Variants in SLC2A1 observed in about 807,000 individuals in gnomAD.
SLC2A1 encodes the protein solute carrier family 2 member 1, also known as solute carrier family 2, facilitated glucose transporter member 1.
A neutral mutation model predicts 46.6 loss-of-function variants in SLC2A1; 4 were observed. The ratio of observed to expected loss-of-function variants is 0.09; its 90% CI spans 0.04 to 0.20. The LOEUF (loss-of-function observed/expected upper bound fraction) is 0.20. Among genes scored for constraint, SLC2A1 ranks in the 10% least tolerant of loss-of-function variants. The pLI is 1.00. For synonymous variants in SLC2A1, 253 were observed against 270.0 expected (o/e 0.94, Z 0.62); for missense variants, 352 against 667.0 (o/e 0.53, Z 5.20).
intron 2 of SLC2A1, among the ~76,000 whole-genome samples, chr1:42,933,317 T>C (rs566373380): frequency 1.3e-5 from 2 of 152,116 alleles, no homozygotes; most frequent in South Asian, 4.2e-4. Context: ...ACACACCATC[T>C]CCCACCCCTC....
Position 42,954,921 on chromosome 1 carries a change from A to G in SLC2A1, c.18+3713T>C, listed in dbSNP as rs1313897849. ...CTAAGGCAAAAAAGCAAAGCAAAGAAGCCCAAAGCAGCGCAGGGCACTCAC... is the reference window on the plus strand; with the variant it reads ...CTAAGGCAAAAAAGCAAAGCAAAGAGGCCCAAAGCAGCGCAGGGCACTCAC... On this transcript the variant is annotated intron_variant, in intron 1 of 9. Coordinates refer to ENST00000426263, the MANE Select transcript of SLC2A1 (RefSeq NM_006516.4). The surrounding 1 kb of genome is among the most constrained non-coding windows in gnomAD (Gnocchi z 4.2). Among the ~76,000 whole-genome samples, 1 of 152,224 alleles carries G rather than the reference A, an allele frequency of 6.6e-6. No homozygotes were observed. Among genetic ancestry groups the G allele is most frequent in the East Asian group, 1.9e-4 (1 of 5,194 alleles).
At chr1:42,949,692 G>A (rs538394270) in intron 1 of SLC2A1, among the ~76,000 whole-genome samples, 2 of 152,078 alleles carry the variant, frequency 1.3e-5, no homozygotes, top group Non-Finnish European at 2.9e-5. Flanking sequence ...CAGCAGCAGC[G>A]AGCTGAGGCA....
At position 42,929,945 on chromosome 1, in the gene SLC2A1, C is replaced by G. The variant is rs758200582; in HGVS notation, c.607G>C (p.Val203Leu). 1 of 1,614,128 alleles carries G rather than the reference C, an allele frequency of 6.2e-7. No homozygotes were observed. The change falls in exon 5 of 10, where the codon GTG becomes CTG. Residue 203 changes from valine (V) to leucine (L), a missense_variant. Physicochemically the swap from Val to Leu is conservative, Grantham distance 32. This residue lies in a region of SLC2A1 where 167 missense variants were observed against 280.8 expected (regional missense o/e 0.59). Transcript: ENST00000426263. The surrounding 1 kb of genome is among the most constrained non-coding windows in gnomAD (Gnocchi z 6.0). Reference sequence around the variant, plus strand: ...GGACTCTCGGGGCAGAAGGGCAGCACGATGCACTGCAGCAGGGCCGGGATG... The same window carrying G: ...GGACTCTCGGGGCAGAAGGGCAGCAGGATGCACTGCAGCAGGGCCGGGATG... ...IFIPALLQCI[V>L]LPFCPESPRF... is the part of the protein sequence containing the mutation.
At chr1:42,939,702 C>T (rs1448485882) in intron 2 of SLC2A1, among the ~76,000 whole-genome samples, 2 of 152,200 alleles carry the variant, frequency 1.3e-5, no homozygotes, top group South Asian at 2.1e-4. Flanking sequence ...AATCCCAGCA[C>T]TTTGGGAGGC....
At position 42,929,967 on chromosome 1, in the gene SLC2A1, G is replaced by C; in HGVS notation, c.585C>G (p.Ile195Met). 6.2e-7 allele frequency: 1 copy of C among 1,614,190 alleles called. No individual in the cohort carries two copies. Among genetic ancestry groups the C allele is most frequent in the South Asian group, 1.1e-5 (1 of 91,082 alleles). ...LWPLLLSIIF[I>M]PALLQCIVLP... ...GCACGATGCACTGCAGCAGGGCCGG[G>C]ATGAAGATGATGCTCAGCAGCAGGG... The change falls in exon 5 of 10, where the codon ATC becomes ATG. Residue 195 changes from isoleucine to methionine, a missense_variant. Around this residue, in one of 5 missense-constraint regions of SLC2A1, gnomAD observed 167 missense variants for 280.8 expected, o/e 0.59. Coordinates refer to ENST00000426263, the MANE Select transcript of SLC2A1 (RefSeq NM_006516.4). This position sits in a 1 kb window ranked among gnomAD's most constrained non-coding sequence, Gnocchi z 6.0.
At chr1:42,953,743 G>A (rs1643746462) in intron 1 of SLC2A1, among the ~76,000 whole-genome samples, 1 of 152,192 alleles carries the variant, frequency 6.6e-6, no homozygotes, top group South Asian at 2.1e-4. Context: ...GAGGCACTGG[G>A]CAAAGCTGAG....
At position 42,929,160 on chromosome 1, in the gene SLC2A1, C is replaced by T. The variant is rs999738440; in HGVS notation, c.972+50G>A. On this transcript the variant is annotated intron_variant, in intron 7 of 9. Coordinates refer to ENST00000426263, the MANE Select transcript of SLC2A1 (RefSeq NM_006516.4). The surrounding 1 kb of genome is among the most constrained non-coding windows in gnomAD (Gnocchi z 6.0). ...GCAAAGACCAGTGGGGAAGATGGCACTGCCTCCTCCCTGGGGTTTGGCTGG... is the reference window on the plus strand; with the variant it reads ...GCAAAGACCAGTGGGGAAGATGGCATTGCCTCCTCCCTGGGGTTTGGCTGG... 6.4e-6 allele frequency: 10 copies of T among 1,559,392 alleles called. No homozygotes were observed. Among genetic ancestry groups the T allele is most frequent in the East Asian group, 2.2e-5 (1 of 44,586 alleles).
intron 1 of SLC2A1, among the ~76,000 whole-genome samples, chr1:42,950,423 C>G (rs1643708088): frequency 6.6e-6 from 1 of 152,230 alleles, no homozygotes; most frequent in Non-Finnish European, 1.5e-5. Context: ...CACATCCTCC[C>G]TAAATAACCG....
intron 2 of SLC2A1, among the ~76,000 whole-genome samples, chr1:42,934,853 G>A (rs143961751): frequency 5.7e-4 from 87 of 152,188 alleles, no homozygotes; most frequent in African/African-American, 1.8e-3. Flanking sequence ...TTCTGCCTCC[G>A]AGTCTGTCCT....
intron 1 of SLC2A1, among the ~76,000 whole-genome samples, chr1:42,949,182 AG>A (rs899552767): frequency 3.9e-5 from 6 of 152,156 alleles, no homozygotes; most frequent in Admixed American, 2.6e-4. Flanking sequence ...TGGGAGGCGG[AG>A]GTTGTAGTGA....
At chr1:42,949,743 G>A (rs558236038) in intron 1 of SLC2A1, among the ~76,000 whole-genome samples, 1 of 152,306 alleles carries the variant, frequency 6.6e-6, no homozygotes, top group African/African-American at 2.4e-5. Flanking sequence ...TAACCACCAT[G>A]AACAAGCTTT....
rs1053525817 is a variant in SLC2A1, at chr1:42,930,849, A to C, written c.293T>G (p.Met98Arg). ...GGACACGAAGGCCAGCAGGTTCATC[A>C]TCAGCATTGAATTCCGCCTGGGGAC... ...NRFGRRNSML[M>R]MNLLAFVSAV... The change falls in exon 4 of 10, where the codon ATG (methionine) becomes AGG (arginine). Residue 98 changes from methionine to arginine, a missense_variant. This residue lies in a region of SLC2A1 where 97 missense variants were observed against 175.6 expected (regional missense o/e 0.55). Coordinates refer to ENST00000426263, the MANE Select transcript of SLC2A1 (RefSeq NM_006516.4). The surrounding 1 kb of genome is among the most constrained non-coding windows in gnomAD (Gnocchi z 6.2). 1.2e-6 allele frequency: 2 copies of C among 1,600,900 alleles called. No individual in the cohort carries two copies. The highest frequency in any genetic ancestry group is 3.3e-5 in the Admixed American group (2 of 60,024).
chr1:42,936,377 C>T (rs1291976091), intron 2 of SLC2A1, among the ~76,000 whole-genome samples: 1 of 152,212 alleles, frequency 6.6e-6, no homozygotes, highest in Non-Finnish European at 1.5e-5. Flanking sequence ...TGGCCCCACA[C>T]TGCCCTTCCC....
chr1:42,956,427 A>C (rs915135670), intron 1 of SLC2A1, among the ~76,000 whole-genome samples: 6 of 76,930 alleles, frequency 7.8e-5, no homozygotes, highest in South Asian at 8.7e-4. Context: ...AAAAAAAAAA[A>C]AAAAAACATT....
At chr1:42,946,925 T>C (rs1272300353) in intron 1 of SLC2A1, among the ~76,000 whole-genome samples, 2 of 152,224 alleles carry the variant, frequency 1.3e-5, no homozygotes, top group East Asian at 3.8e-4. Context: ...GCAGCCCTGC[T>C]CTGGGCCTTG....
intron 2 of SLC2A1, among the ~76,000 whole-genome samples, chr1:42,939,983 G>A (rs1318669291): frequency 1.4e-5 from 2 of 146,114 alleles, no homozygotes; most frequent in African/African-American, 5.1e-5. Flanking sequence ...AGGTATCTCA[G>A]TCCCTCCTGG....
intron 2 of SLC2A1, among the ~76,000 whole-genome samples, chr1:42,942,566 C>T (rs578214945): frequency 4.0e-5 from 6 of 151,382 alleles, no homozygotes; most frequent in African/African-American, 9.7e-5. Context: ...ACCTTCACCC[C>T]CTGTGGCTCC....
At position 42,927,590 on chromosome 1, in the gene SLC2A1, A is replaced by C; in HGVS notation, c.1278+15T>G. ...CATGCGTGCGGGTGAGTATAGAGACAGTGGGGGTTCTCACCTCCACATACT... is the reference window on the plus strand; with the variant it reads ...CATGCGTGCGGGTGAGTATAGAGACCGTGGGGGTTCTCACCTCCACATACT... On this transcript the variant is annotated intron_variant, in intron 9 of 9. Coordinates refer to ENST00000426263, the MANE Select transcript of SLC2A1 (RefSeq NM_006516.4). This position sits in a 1 kb window ranked among gnomAD's most constrained non-coding sequence, Gnocchi z 5.3. 1 of 1,355,412 alleles carries C rather than the reference A, an allele frequency of 7.4e-7. No homozygotes were observed. Among genetic ancestry groups the C allele is most frequent in the South Asian group, 1.2e-5 (1 of 81,976 alleles). 84.0% of individuals were successfully genotyped at this position (1,355,412 alleles called of 1,614,324 possible). A position where few individuals can be genotyped will look rare whatever the true frequency, so the allele number is the denominator to read the frequency against.
intron 2 of SLC2A1, among the ~76,000 whole-genome samples, chr1:42,940,853 A>T (rs1473610578): frequency 1.3e-5 from 2 of 152,074 alleles, no homozygotes; most frequent in Non-Finnish European, 2.9e-5. Flanking sequence ...GGTCTAAGAA[A>T]CAGACCCATA....
Sources: allele counts gnomAD v4.1 joint callset (sites outside exome capture counted in the v4.1 genomes callset), GRCh38; gene constraint gnomAD v4.1.1; regional missense constraint gnomAD v4.1.1; non-coding constraint Gnocchi (gnomAD v3.1); transcripts MANE v1.5; gene names NCBI Gene and HGNC (gene_info 2026-07-23, HGNC 2026-07-21).